The following GRM6 variants were observed in gnomAD, a reference collection of about 807,000 sequenced individuals.
The protein encoded by GRM6 is glutamate metabotropic receptor 6, also known as metabotropic glutamate receptor 6.
In GRM6, 73 loss-of-function variants were observed where a neutral mutation model predicts 78.4. The observed-to-expected ratio is 0.93, with a 90% CI of 0.77 to 1.13. GRM6 has a LOEUF of 1.13. Among genes scored for constraint, GRM6 ranks in the 50% most tolerant of loss-of-function variants. GRM6 has a pLI of 0.00. For synonymous variants in GRM6, 580 were observed against 555.0 expected, an observed-to-expected ratio of 1.05 and a Z score of -0.63; for missense variants, 1,251 against 1,256.4, an observed-to-expected ratio of 1.00 and a Z score of 0.07.
chr5:178,981,566 T>C lies in GRM6; in HGVS notation c.*91A>G. 3 of 1,005,124 alleles carry C rather than the reference T, an allele frequency of 3.0e-6. No individual in the cohort carries two copies. Among genetic ancestry groups the C allele is most frequent in the African/African-American group, 3.2e-5 (2 of 63,078 alleles). The allele number at this position is 1,005,124 out of a possible 1,614,324, so 62.3% of individuals were successfully genotyped here. A position where few individuals can be genotyped will look rare whatever the true frequency, so the allele number is the denominator to read the frequency against. ...TTGGCAAACTCCCTGCCACTGACTG[T>C]TCACCGTGGACCCGGGCTCTATACA... On this transcript the variant is annotated 3_prime_UTR_variant, in exon 11 of 11. Coordinates refer to ENST00000517717, the MANE Select transcript of GRM6 (RefSeq NM_000843.4). This position sits in a 1 kb window ranked among gnomAD's most constrained non-coding sequence, Gnocchi z 5.1.
At chr5:178,982,840 A>G (rs1223725956) in intron 10 of GRM6, 70 bp downstream of exon 10, 12 of 1,074,570 alleles carry the variant, frequency 1.1e-5, no homozygotes, top group Non-Finnish European at 1.7e-5. Flanking sequence ...CAAGCATTTA[A>G]TCTCATGAAT....
At position 178,988,297 on chromosome 5, in the gene GRM6, T is replaced by G. The variant is rs1368274446; in HGVS notation, c.1354+638A>C. ...AGCTTGCAGAGATGCTCTGGAGTCA[T>G]ATTAAATGGAATTGATTAGCAGAGA... is the stretch of plus-strand genomic sequence containing the variant. On this transcript the variant is annotated intron_variant, in intron 7 of 10. Coordinates refer to ENST00000517717, the MANE Select transcript of GRM6 (RefSeq NM_000843.4). The surrounding 1 kb of genome is among the most constrained non-coding windows in gnomAD (Gnocchi z 6.0). 1.3e-5 allele frequency among the ~76,000 whole-genome samples: 2 copies of G among 152,196 alleles called. No individual in the cohort carries two copies. Among genetic ancestry groups the G allele is most frequent in the African/African-American group, 4.8e-5 (2 of 41,460 alleles).
At chr5:178,985,474 T>C (rs113903481) in intron 9 of GRM6, among the ~76,000 whole-genome samples, 15,029 of 150,108 alleles carry the variant, frequency 0.1, 807 homozygotes, top group East Asian at 0.19. Context: ...GAGGCCGAGG[T>C]GGGCGGATCA....
chr5:178,986,072 T>G, intron 9 of GRM6, 58 bp downstream of exon 9: 1 of 1,523,142 alleles, frequency 6.6e-7, no homozygotes, highest in South Asian at 1.2e-5. Flanking sequence ...CTTTTGGCTT[T>G]GTAACGTTGC....
At chr5:178,983,506 G>T (rs528243113) in intron 9 of GRM6, 11 of 627,786 alleles carry the variant, frequency 1.8e-5, no homozygotes, top group South Asian at 1.5e-4. Flanking sequence ...GTGTGCATAA[G>T]GGGCAGCTTG....
chr5:178,993,407 C>T (rs553950283), intron 2 of GRM6, among the ~76,000 whole-genome samples: 35 of 152,330 alleles, frequency 2.3e-4, no homozygotes, highest in Non-Finnish European at 4.4e-4. Context: ...GCCGCACAGC[C>T]TGTCTGGTGC....
Position 178,983,198 on chromosome 5 carries a change from C to T in GRM6, c.2148G>A (p.Leu716=). ...SLQVVGMIAW[L]GARPPHSVID... The stretch of plus-strand genomic sequence containing the variant: ...TCACGCTGTGTGGGGGCCGGGCCCC[C>T]AGCCATGCTATCATCCCCACCACCT... The change falls in exon 10 of 11, where the codon CTG becomes CTA. Residue 716 remains leucine, a synonymous_variant. Transcript: ENST00000517717. 6.2e-7 allele frequency: 1 copy of T among 1,612,874 alleles called. No homozygotes were observed.
At chr5:178,985,687 A>C (rs763806879) in intron 9 of GRM6, 29 of 402,880 alleles carry the variant, frequency 7.2e-5, no homozygotes, top group Middle Eastern at 3.9e-4. Context: ...TGGGCGACAC[A>C]GCGAGACTCT....
At chr5:178,985,645 G>GCA (rs1760515185) in intron 9 of GRM6, 1 of 382,560 alleles carries the variant, frequency 2.6e-6, no homozygotes, top group Non-Finnish European at 5.1e-6. Flanking sequence ...AGAGCTTGCA[G>GCA]GGAGCTGAGA....
rs556015564 is a variant in GRM6, at chr5:178,980,210, C to T, written c.*1447G>A. On this transcript the variant is annotated 3_prime_UTR_variant, in exon 11 of 11. Transcript: ENST00000517717. The surrounding 1 kb of genome is among the most constrained non-coding windows in gnomAD (Gnocchi z 4.3). The stretch of plus-strand genomic sequence containing the variant: ...GTTCACCCTCAAAACTAGCTCCAGA[C>T]ATCACAGACTAGAGAATGTATACTG... 1 of 154,370 alleles carries T rather than the reference C, an allele frequency of 6.5e-6. No individual in the cohort carries two copies. Among genetic ancestry groups the T allele is most frequent in the Non-Finnish European group, 1.5e-5 (1 of 68,196 alleles). 9.6% of individuals were successfully genotyped at this position (154,370 alleles called of 1,614,324 possible).
rs763074561 is a variant in GRM6, at chr5:178,991,559, C to A, written c.722G>T (p.Gly241Val). 5.0e-6 allele frequency: 8 copies of A among 1,613,778 alleles called. No homozygotes were observed. The East Asian group carries it at 6.7e-5, about 13-fold the overall frequency. Residue 241 changes from glycine (G) to valine (V), a missense_variant and splice_region_variant, in exon 4 of 11, where the codon GGG (glycine) becomes GTG (valine). Physicochemically the swap from Gly to Val is moderately radical, Grantham distance 109. Transcript: ENST00000517717. The surrounding 1 kb of genome is among the most constrained non-coding windows in gnomAD (Gnocchi z 5.0). ...GATAGACTGGGCAATACAGACCCCCCCTGGGCGTTGGGGGTGCCAGAGTCA... is the reference window on the plus strand; with the variant it reads ...GATAGACTGGGCAATACAGACCCCCACTGGGCGTTGGGGGTGCCAGAGTCA... ...EAFVQISREA[G>V]GVCIAQSIKI... is the part of the protein sequence containing the mutation.
Position 178,991,671 on chromosome 5 carries a change from C to A in GRM6, c.722-112G>T. On this transcript the variant is annotated intron_variant, in intron 3 of 10. Coordinates refer to ENST00000517717, the MANE Select transcript of GRM6 (RefSeq NM_000843.4). The surrounding 1 kb of genome is among the most constrained non-coding windows in gnomAD (Gnocchi z 5.0). ...GCTGAAGGGTCTGCAGGGGTGAAGT[C>A]TGGCCTGCACCCTCCGCCAAGCCTG... 2 of 1,333,242 alleles carry A rather than the reference C, an allele frequency of 1.5e-6. No homozygotes were observed. The highest frequency in any genetic ancestry group is 2.1e-6 in the Non-Finnish European group (2 of 933,926). The allele number at this position is 1,333,242 out of a possible 1,614,324, so 82.6% of individuals were successfully genotyped here.
At chr5:178,983,408 A>C (rs1415405550) in intron 9 of GRM6, 187 bp from the exon 10 acceptor site, 15 of 709,034 alleles carry the variant, frequency 2.1e-5, no homozygotes, top group Non-Finnish European at 3.3e-5. Context: ...AGGCAGGGGC[A>C]GCCCAAGAGG....
intron 9 of GRM6, chr5:178,983,502 A>G (rs534399763): frequency 3.1e-6 from 2 of 638,294 alleles, no homozygotes; most frequent in African/African-American, 3.6e-5. Context: ...TGCAGTGTGC[A>G]TAAGGGGCAG....
At chr5:178,983,449 T>C (rs1245606377) in intron 9 of GRM6, 4 of 694,856 alleles carry the variant, frequency 5.8e-6, no homozygotes, top group Non-Finnish European at 1.1e-5. Context: ...ACCTGGCAGC[T>C]GCGGAGAAGG....
In GRM6 at chr5:178,986,791, C is replaced by T. The variant is rs746176006; in HGVS notation, c.1501-38G>A. On this transcript the variant is annotated intron_variant, in intron 8 of 10. Transcript: ENST00000517717. The stretch of plus-strand genomic sequence containing the variant: ...AAACACAGGCTGGGGCGTCTGCCTC[C>T]GGGATCCTGGGCCCATGCCCACCTG... The T allele has an allele frequency of 6.1e-5, 98 of 1,611,676 alleles. No individual in the cohort carries two copies. The Middle Eastern group carries it at 8.2e-4, about 14-fold the overall frequency.
At chr5:178,984,770 C>T (rs377048552) in intron 9 of GRM6, among the ~76,000 whole-genome samples, 40 of 152,228 alleles carry the variant, frequency 2.6e-4, no homozygotes, top group South Asian at 4.1e-4. Flanking sequence ...ACCCGAGGCA[C>T]GTGGCGTGTG....
In GRM6 at chr5:178,990,764, G is replaced by T; in HGVS notation, c.858-18C>A. ...GGACCCGCCTGGTAGGAGCAGGGCT[G>T]GGGTGAGGGAGGGCCTGGGAGCCTC... On this transcript the variant is annotated intron_variant, in intron 4 of 10. Coordinates refer to ENST00000517717, the MANE Select transcript of GRM6 (RefSeq NM_000843.4). 6.4e-7 allele frequency: 1 copy of T among 1,552,654 alleles called. No individual in the cohort carries two copies.
At chr5:178,984,290 GCACGCCTCA>G (rs756207386) in intron 9 of GRM6, among the ~76,000 whole-genome samples, 1 of 39,360 alleles carries the variant, frequency 2.5e-5, no homozygotes, top group African/African-American at 4.3e-5. Flanking sequence ...GAGCGAGCGA[GCACGCCTCA>G]CTCGGAACGG....
Sources: allele counts gnomAD v4.1 joint callset (sites outside exome capture counted in the v4.1 genomes callset), GRCh38; gene constraint gnomAD v4.1.1; non-coding constraint Gnocchi (gnomAD v3.1); transcripts MANE v1.5; gene names NCBI Gene and HGNC (gene_info 2026-07-23, HGNC 2026-07-21).